Variants in BRD4 observed in about 807,000 individuals in gnomAD.
BRD4 encodes the protein bromodomain-containing protein 4.
A neutral mutation model predicts 142.1 loss-of-function variants in BRD4; 16 were observed. The ratio of observed to expected loss-of-function variants is 0.11; its 90% CI spans 0.08 to 0.17. The LOEUF (loss-of-function observed/expected upper bound fraction) is 0.17. BRD4 is among the 10% of genes least tolerant of loss of function. The pLI is 1.00. For missense variants in BRD4, 1,424 were observed against 1,810.9 expected (o/e 0.79, Z 3.88); for synonymous variants, 833 against 707.5 (o/e 1.18, Z -2.82).
chr19:15,280,020 C>T (rs1036399522), intron 1 of BRD4, among the ~76,000 whole-genome samples: 2 of 152,150 alleles, frequency 1.3e-5, no homozygotes, highest in Non-Finnish European at 2.9e-5. Context: ...CAGACCTGCA[C>T]CAGGGCCTAG....
chr19:15,272,964 G>C lies in BRD4; in HGVS notation c.136C>G (p.Pro46Ala). 1 of 1,614,222 alleles carries C rather than the reference G, an allele frequency of 6.2e-7. No homozygotes were observed. The highest frequency in any genetic ancestry group is 8.5e-7 in the Non-Finnish European group (1 of 1,180,040). ...TTAGGGTTGGAGGTCTCTGGGGGCGGGGGGTTGGTGCTGGCTGCGTTGGCT... is the reference window on the plus strand; with the variant it reads ...TTAGGGTTGGAGGTCTCTGGGGGCGCGGGGTTGGTGCTGGCTGCGTTGGCT... The part of the protein sequence containing the change: ...QPANAASTNP[P>A]PPETSNPNKP... The change falls in exon 2 of 20, where the codon CCG (proline) becomes GCG (alanine). Residue 46 changes from proline to alanine, a missense_variant. Pro to Ala is a conservative substitution (Grantham distance 27, BLOSUM62 -1). Transcript: ENST00000679869.
rs200550709 is a variant in BRD4 at position 15,237,643 on chromosome 19, C to A, written c.*734G>T. On this transcript the variant is annotated 3_prime_UTR_variant, in exon 20 of 20. Coordinates refer to ENST00000679869, the MANE Select transcript of BRD4 (RefSeq NM_001379291.1). The stretch of plus-strand genomic sequence containing the variant: ...TATAGAAAAAAAAGAAAAAAAAAAA[C>A]GAAACAGAAACACAGGTGGGAAGGA... 17 of 226,396 alleles carry A rather than the reference C, an allele frequency of 7.5e-5. No individual in the cohort carries two copies. Among genetic ancestry groups the A allele is most frequent in the Non-Finnish European group, 1.3e-4 (15 of 114,572 alleles). 14.0% of individuals were successfully genotyped at this position (226,396 alleles called of 1,614,324 possible).
At chr19:15,255,634 T>C in intron 9 of BRD4, 42 bp from the exon 10 acceptor site, 1 of 1,551,776 alleles carries the variant, frequency 6.4e-7, no homozygotes. Flanking sequence ...ACGGGCCCCC[T>C]GAGGAAGCCA....
chr19:15,261,669 C>T (rs992163125), intron 7 of BRD4, among the ~76,000 whole-genome samples: 7 of 152,004 alleles, frequency 4.6e-5, no homozygotes, highest in Admixed American at 3.9e-4. Flanking sequence ...GGCCAGGTGC[C>T]GTGGCTCATG....
chr19:15,276,044 G>A (rs546012606), intron 1 of BRD4, among the ~76,000 whole-genome samples: 1 of 152,228 alleles, frequency 6.6e-6, no homozygotes, highest in Admixed American at 6.5e-5. Flanking sequence ...GCCCCACAAG[G>A]GAGATCACCA....
At chr19:15,263,820 G>C (rs2047500906) in intron 6 of BRD4, among the ~76,000 whole-genome samples, 1 of 152,196 alleles carries the variant, frequency 6.6e-6, no homozygotes, top group African/African-American at 2.4e-5. Flanking sequence ...ATGACGGGGA[G>C]AACTGATGGA....
At chr19:15,314,114 C>T (rs1161061308) in intron 1 of BRD4, among the ~76,000 whole-genome samples, 2 of 152,214 alleles carry the variant, frequency 1.3e-5, no homozygotes, top group Admixed American at 6.5e-5. Context: ...ACAGCTCAGC[C>T]TTGAGTATGT....
At chr19:15,263,361 G>A in intron 7 of BRD4, 59 bp downstream of exon 7, 1 of 1,574,870 alleles carries the variant, frequency 6.3e-7, no homozygotes, top group Non-Finnish European at 8.7e-7. Context: ...ACAGAAGTCT[G>A]CTCCCACGAG....
chr19:15,294,482 G>A (rs1009540702), intron 1 of BRD4, among the ~76,000 whole-genome samples: 1 of 152,288 alleles, frequency 6.6e-6, no homozygotes, highest in Non-Finnish European at 1.5e-5. Flanking sequence ...CTCAAGCGAA[G>A]CTTGGTTATC....
intron 14 of BRD4, 133 bp downstream of exon 14, chr19:15,242,767 T>G (rs1313463746): frequency 1.5e-6 from 2 of 1,378,714 alleles, no homozygotes; most frequent in Admixed American, 4.7e-5. Context: ...CCCTTCCAGG[T>G]CCCCCTCCAA....
intron 1 of BRD4, among the ~76,000 whole-genome samples, chr19:15,289,729 A>T (rs1256039211): frequency 6.6e-6 from 1 of 151,760 alleles, no homozygotes; most frequent in East Asian, 1.9e-4. Flanking sequence ...AATAGATCTG[A>T]TGAAACCAGG....
Position 15,289,925 on chromosome 19 carries a change from T to C in BRD4, c.-34-16792A>G, listed in dbSNP as rs1173517656. The stretch of plus-strand genomic sequence containing the variant: ...TGCTACAGGGCTCTCAGCAAGGGGC[T>C]CAAGTGAGGGAAGGCTTTCCAACGA... On this transcript the variant is annotated intron_variant, in intron 1 of 19. Coordinates refer to ENST00000679869, the MANE Select transcript of BRD4 (RefSeq NM_001379291.1). Among the ~76,000 whole-genome samples the C allele has an allele frequency of 2.0e-5, 3 of 152,180 alleles. No individual in the cohort carries two copies. The East Asian group carries it at 5.8e-4, about 29-fold the overall frequency.
At position 15,263,417 on chromosome 19, in the gene BRD4, C is replaced by T. The variant is rs1427973106; in HGVS notation, c.1341+3G>A. 3 of 1,613,906 alleles carry T rather than the reference C, an allele frequency of 1.9e-6. No homozygotes were observed. Among genetic ancestry groups the T allele is most frequent in the Non-Finnish European group, 2.5e-6 (3 of 1,179,756 alleles). ...AGGGTGGCTGCGCCCTCCCAAGCCT[C>T]ACCTGGAGCTTGCGGGCCATGGCCA... is the stretch of plus-strand genomic sequence containing the variant. On this transcript the variant is annotated splice_donor_region_variant and intron_variant, in intron 7 of 19. Coordinates refer to ENST00000679869, the MANE Select transcript of BRD4 (RefSeq NM_001379291.1).
intron 1 of BRD4, among the ~76,000 whole-genome samples, chr19:15,294,154 G>A (rs2047805215): frequency 2.6e-5 from 4 of 152,226 alleles, no homozygotes; most frequent in Admixed American, 6.5e-5. Flanking sequence ...CTGAGTTTTC[G>A]CAAATGTAAT....
At chr19:15,299,357 T>C (rs754207558) in intron 1 of BRD4, among the ~76,000 whole-genome samples, 1 of 152,206 alleles carries the variant, frequency 6.6e-6, no homozygotes, top group Non-Finnish European at 1.5e-5. Flanking sequence ...ATATATGTGC[T>C]CATATACCCA....
At chr19:15,265,927 C>A (rs1288372313) in intron 4 of BRD4, among the ~76,000 whole-genome samples, 1 of 152,188 alleles carries the variant, frequency 6.6e-6, no homozygotes, top group Non-Finnish European at 1.5e-5. Flanking sequence ...GCTCAAGGAG[C>A]AGGAAGCACA....
intron 1 of BRD4, among the ~76,000 whole-genome samples, chr19:15,300,405 A>G (rs1365842689): frequency 6.6e-6 from 1 of 151,650 alleles, no homozygotes; most frequent in African/African-American, 2.4e-5. Context: ...AAAAAATACA[A>G]AAAGCCAGGT....
chr19:15,263,228 C>G (rs978637175), intron 7 of BRD4, among the ~76,000 whole-genome samples, 192 bp downstream of exon 7: 3 of 152,226 alleles, frequency 2.0e-5, no homozygotes, highest in Non-Finnish European at 1.5e-5. Flanking sequence ...GGAACACCCA[C>G]TCTGCTTTAA....
chr19:15,300,952 A>G (rs144833151), intron 1 of BRD4, among the ~76,000 whole-genome samples: 2 of 152,344 alleles, frequency 1.3e-5, no homozygotes, highest in African/African-American at 4.8e-5. Flanking sequence ...AGAAAGAAAA[A>G]CATGTTCACA....
Sources: gnomAD v4.1 joint callset for allele counts (sites outside exome capture counted in the v4.1 genomes callset) on GRCh38, gnomAD v4.1.1 for gene constraint, MANE v1.5 for transcripts, NCBI Gene and HGNC (gene_info 2026-07-23, HGNC 2026-07-21) for gene names.